CD96: variants seen among roughly 807,000 people sequenced by gnomAD.
CD96 encodes T-cell surface protein tactile.
Under a neutral mutation model 71.3 loss-of-function variants are expected in CD96, and 70 were observed. The observed-to-expected ratio is 0.98, with a 90% CI of 0.81 to 1.20. The LOEUF (loss-of-function observed/expected upper bound fraction) is 1.20, where lower values mean the gene tolerates loss of function less well. CD96 is among the 50% of genes most tolerant of loss of function. CD96 has a pLI of 0.00. For missense variants in CD96, 742 were observed against 677.5 expected (o/e 1.10, Z -1.06); for synonymous variants, 248 against 233.0 (o/e 1.06, Z -0.59).
In CD96 at chr3:111,641,868, C is replaced by T. The variant is rs571189682; in HGVS notation, c.1477+3700C>T. Among the ~76,000 whole-genome samples, 168 of 152,236 alleles carry T rather than the reference C, an allele frequency of 1.1e-3. 1 individual carries two copies. The highest frequency in any genetic ancestry group is 6.8e-3 in the Middle Eastern group (2 of 294). On this transcript the variant is annotated intron_variant, in intron 12 of 13. Coordinates refer to ENST00000352690, the MANE Select transcript of CD96 (RefSeq NM_005816.5). ...GAACCTTCAAAACCACGCAAATACA[C>T]GAAAATTAAATAACCTGCTCCTGAA... is the stretch of plus-strand genomic sequence containing the variant.
chr3:111,596,150 A>G (rs1169996400), intron 5 of CD96, among the ~76,000 whole-genome samples: 3 of 145,000 alleles, frequency 2.1e-5, no homozygotes, highest in African/African-American at 7.3e-5. Context: ...CGACAGAGGG[A>G]GACTCTGTCT....
intron 12 of CD96, 31 bp downstream of exon 12, chr3:111,638,199 TA>T (rs1939430037): frequency 2.3e-6 from 3 of 1,277,018 alleles, no homozygotes; most frequent in Non-Finnish European, 3.4e-6. Flanking sequence ...TGGGGGATTT[TA>T]TGCTTTATTC....
chr3:111,568,555 T>C (rs375135745), intron 3 of CD96, among the ~76,000 whole-genome samples: 2 of 152,212 alleles, frequency 1.3e-5, no homozygotes, highest in African/African-American at 4.8e-5. Context: ...TACAGATCTT[T>C]ATCTAATCGG....
intron 5 of CD96, chr3:111,593,362 G>A: frequency 3.1e-6 from 2 of 636,964 alleles, no homozygotes; most frequent in Non-Finnish European, 2.4e-6. Context: ...CAGAGCTCTA[G>A]GAACCTCGTA....
intron 11 of CD96, among the ~76,000 whole-genome samples, chr3:111,637,864 C>G (rs73230143): frequency 6.6e-6 from 1 of 150,700 alleles, no homozygotes; most frequent in Admixed American, 6.6e-5. Context: ...TTTTCAACCA[C>G]TAGGAAATTT....
chr3:111,600,655 A>G (rs1937450375), intron 6 of CD96, 71 bp from the exon 7 acceptor site: 2 of 1,145,572 alleles, frequency 1.7e-6, no homozygotes, highest in Non-Finnish European at 2.6e-6. Flanking sequence ...TGATCATGCC[A>G]TGCCTTGGCA....
rs115587749 is a variant in CD96 at position 111,602,732 on chromosome 3, T to C, written c.1087+1818T>C. Among the ~76,000 whole-genome samples the C allele has an allele frequency of 2.2e-3, 333 of 152,300 alleles. 1 individual carries two copies. The highest frequency in any genetic ancestry group is 7.8e-3 in the African/African-American group (323 of 41,544). On this transcript the variant is annotated intron_variant, in intron 7 of 13. Coordinates refer to ENST00000352690, the MANE Select transcript of CD96 (RefSeq NM_005816.5). ...AACTCCGGAGTAAACTTCTGATGTG[T>C]GGTGCAAGAGTCATTGCCTTACCAA...
intron 5 of CD96, among the ~76,000 whole-genome samples, chr3:111,591,198 C>A (rs922902839): frequency 2.0e-5 from 3 of 151,966 alleles, no homozygotes; most frequent in Non-Finnish European, 4.4e-5. Flanking sequence ...CGTGGTGAAA[C>A]CTTGTCTGTG....
At chr3:111,554,890 G>A (rs1934909367) in intron 2 of CD96, among the ~76,000 whole-genome samples, 1 of 151,766 alleles carries the variant, frequency 6.6e-6, no homozygotes, top group Non-Finnish European at 1.5e-5. Flanking sequence ...CCCATCTGGG[G>A]GTGATGGGAA....
intron 3 of CD96, chr3:111,571,146 G>T: frequency 1.6e-6 from 1 of 645,056 alleles, no homozygotes; most frequent in Non-Finnish European, 2.8e-6. Flanking sequence ...CTCTACCTGG[G>T]TCCCCCTTTT....
At chr3:111,608,034 G>T (rs753895651) in intron 8 of CD96, among the ~76,000 whole-genome samples, 9 of 144,120 alleles carry the variant, frequency 6.2e-5, no homozygotes, top group Non-Finnish European at 1.4e-4. Context: ...TGGTTTCTGG[G>T]GGTCAGAAAT....
chr3:111,631,065 G>C (rs1327184290), intron 10 of CD96, among the ~76,000 whole-genome samples: 1 of 152,104 alleles, frequency 6.6e-6, no homozygotes, highest in Non-Finnish European at 1.5e-5. Context: ...GCAAAATCTG[G>C]TAGCATTCCC....
At chr3:111,627,150 G>A (rs73230132) in intron 10 of CD96, among the ~76,000 whole-genome samples, 39,351 of 152,126 alleles carry the variant, frequency 0.26, 6,048 homozygotes, top group African/African-American at 0.44. Flanking sequence ...ACCCTGATCC[G>A]TTCTTCTTCA....
At chr3:111,619,262 GTT>G (rs11294014) in intron 8 of CD96, among the ~76,000 whole-genome samples, 7 of 152,106 alleles carry the variant, frequency 4.6e-5, no homozygotes, top group Admixed American at 2.0e-4. Context: ...AAAAGGGTGG[GTT>G]TTTTTTTATT....
intron 13 of CD96, among the ~76,000 whole-genome samples, chr3:111,648,420 T>C (rs544458157): frequency 1.3e-5 from 2 of 152,178 alleles, no homozygotes; most frequent in Non-Finnish European, 2.9e-5. Flanking sequence ...TGTAACCACA[T>C]ACAGGGAGTG....
chr3:111,573,607 TAAAG>T, intron 3 of CD96, among the ~76,000 whole-genome samples: 1 of 147,100 alleles, frequency 6.8e-6, no homozygotes, highest in East Asian at 1.9e-4. Flanking sequence ...TCAGTGAAAA[TAAAG>T]AAATTCACGA....
At chr3:111,577,574 G>T (rs867333912) in intron 3 of CD96, 2 of 1,441,424 alleles carry the variant, frequency 1.4e-6, no homozygotes, top group Admixed American at 1.7e-5. Flanking sequence ...GCAGGAAAAA[G>T]AATTCAGCAG....
chr3:111,557,584 T>C (rs1358205609), intron 2 of CD96, among the ~76,000 whole-genome samples: 31 of 127,754 alleles, frequency 2.4e-4, no homozygotes, highest in Non-Finnish European at 4.3e-4. Flanking sequence ...TTGGTACCAG[T>C]ACCATGCTGT....
intron 3 of CD96, chr3:111,570,825 G>T (rs1576332265): frequency 1.9e-6 from 3 of 1,613,266 alleles, no homozygotes; most frequent in Non-Finnish European, 2.5e-6. Flanking sequence ...CGGGATGGGG[G>T]ACCCCAGGCT....
Sources: allele counts gnomAD v4.1 joint callset (sites outside exome capture counted in the v4.1 genomes callset), GRCh38; gene constraint gnomAD v4.1.1; transcripts MANE v1.5; gene names NCBI Gene and HGNC (gene_info 2026-07-23, HGNC 2026-07-21).